Variants in BRSK1 observed in about 807,000 individuals in gnomAD.
BRSK1 encodes the protein serine/threonine-protein kinase BRSK1.
Under a neutral mutation model 86.2 loss-of-function variants are expected in BRSK1, and 17 were observed. The ratio of observed to expected loss-of-function variants is 0.20; its 90% CI spans 0.14 to 0.30. BRSK1 has a LOEUF of 0.30. Ranked by LOEUF, BRSK1 falls within the 10% of genes least tolerant of loss-of-function variation. BRSK1 has a pLI of 1.00. For missense variants in BRSK1, 719 were observed against 1,071.9 expected, an observed-to-expected ratio of 0.67 and a Z score of 4.60; for synonymous variants, 464 against 440.1, an observed-to-expected ratio of 1.05 and a Z score of -0.68.
rs1033384826 is a variant in BRSK1 at position 55,301,980 on chromosome 19, C to T, written c.826-157C>T. 8.5e-6 allele frequency: 8 copies of T among 942,356 alleles called. No homozygotes were observed. In the African/African-American group the frequency reaches 1.3e-4, roughly 15 times the overall value. 58.4% of individuals were successfully genotyped at this position (942,356 alleles called of 1,614,324 possible). A position where few individuals can be genotyped will look rare whatever the true frequency, so the allele number is the denominator to read the frequency against. ...CCGCGCGTGCGCGGGGCGATGCACT[C>T]AGTCGCCACTAGAGGGCGATGTAAT... On this transcript the variant is annotated intron_variant, in intron 8 of 18. Transcript: ENST00000309383.
chr19:55,305,396 G>A (rs558302516), intron 15 of BRSK1, 27 bp downstream of exon 15: 5 of 1,614,044 alleles, frequency 3.1e-6, no homozygotes, highest in Non-Finnish European at 4.2e-6. Flanking sequence ...AGGAAAGAGT[G>A]GGGATGCAGG....
chr19:55,302,527 T>C lies in BRSK1; in HGVS notation c.858-170T>C. 9.5e-6 allele frequency: 8 copies of C among 839,354 alleles called. No individual in the cohort carries two copies. Among genetic ancestry groups the C allele is most frequent in the Non-Finnish European group, 1.5e-5 (8 of 541,798 alleles). 52.0% of individuals were successfully genotyped at this position (839,354 alleles called of 1,614,324 possible). On this transcript the variant is annotated intron_variant, in intron 9 of 18. Transcript: ENST00000309383. This position sits in a 1 kb window ranked among gnomAD's most constrained non-coding sequence, Gnocchi z 6.3. ...GGGAAAAGGGGCTGGAGGTCTGGAC[T>C]CCTGGGTCTGAGATGGGGGGCGAGG...
At chr19:55,285,348 C>A (rs1304833006) in intron 1 of BRSK1, among the ~76,000 whole-genome samples, 2 of 152,062 alleles carry the variant, frequency 1.3e-5, no homozygotes, top group Non-Finnish European at 2.9e-5. Flanking sequence ...GCTCCAGTCC[C>A]CATAGGGGCA....
In BRSK1 at chr19:55,284,281, G is replaced by A. The variant is rs939044945; in HGVS notation, c.-162G>A. 7.0e-6 allele frequency: 4 copies of A among 572,222 alleles called. No homozygotes were observed. Among genetic ancestry groups the A allele is most frequent in the African/African-American group, 3.9e-5 (2 of 51,294 alleles). 35.4% of individuals were successfully genotyped at this position (572,222 alleles called of 1,614,324 possible). A position where few individuals can be genotyped will look rare whatever the true frequency, so the allele number is the denominator to read the frequency against. On this transcript the variant is annotated 5_prime_UTR_variant, in exon 1 of 19. Transcript: ENST00000309383. ...CCCCCCTCCCCCAGCTCCGCGGCCC[G>A]CCGACTGGGGGGGGCCAGCCCAGCC...
rs1425202784 is a variant in BRSK1, at chr19:55,303,021, C to T, written c.1028+154C>T. 4.1e-6 allele frequency: 4 copies of T among 985,240 alleles called. No homozygotes were observed. The highest frequency in any genetic ancestry group is 2.9e-5 in the Admixed American group (1 of 34,636). 61.0% of individuals were successfully genotyped at this position (985,240 alleles called of 1,614,324 possible). A position where few individuals can be genotyped will look rare whatever the true frequency, so the allele number is the denominator to read the frequency against. On this transcript the variant is annotated intron_variant, in intron 10 of 18. Coordinates refer to ENST00000309383, the MANE Select transcript of BRSK1 (RefSeq NM_032430.2). This position sits in a 1 kb window ranked among gnomAD's most constrained non-coding sequence, Gnocchi z 5.1. Reference sequence around the variant, plus strand: ...GGAGTGATGGAACCAGCGGAGAAAACGGCCCAGAAACACGCTGAGAAAGTA... The same window carrying T: ...GGAGTGATGGAACCAGCGGAGAAAATGGCCCAGAAACACGCTGAGAAAGTA...
chr19:55,312,016 G>T lies in BRSK1; in HGVS notation c.2285G>T (p.Gly762Val). 6.6e-7 allele frequency: 1 copy of T among 1,515,418 alleles called. No individual in the cohort carries two copies. The highest frequency in any genetic ancestry group is 8.8e-7 in the Non-Finnish European group (1 of 1,130,650). 93.9% of individuals were successfully genotyped at this position (1,515,418 alleles called of 1,614,324 possible). A position where few individuals can be genotyped will look rare whatever the true frequency, so the allele number is the denominator to read the frequency against. ...GAGCTGAGCAGCTCTCCCCGCCGAG[G>T]CCCCCCCAAGGACAAGAAGCTCCTG... is the stretch of plus-strand genomic sequence containing the variant. ...DPELSSSPRRGPPKDKKLLAT... is the reference protein window; with the variant it reads ...DPELSSSPRRVPPKDKKLLAT... Residue 762 changes from glycine to valine, a missense_variant, in exon 19 of 19, where the codon GGC becomes GTC. Physicochemically the swap from Gly to Val is moderately radical, Grantham distance 109. Transcript: ENST00000309383.
rs572234052 is a variant in BRSK1, at chr19:55,302,290, G to C, written c.857+122G>C. On this transcript the variant is annotated intron_variant, in intron 9 of 18. Transcript: ENST00000309383. The surrounding 1 kb of genome is among the most constrained non-coding windows in gnomAD (Gnocchi z 6.3). ...CTGAGAGGCAACGGGCTAGGGACTCGGACTTATGGGTCCTGGGGGAAGAGG... is the reference window on the plus strand; with the variant it reads ...CTGAGAGGCAACGGGCTAGGGACTCCGACTTATGGGTCCTGGGGGAAGAGG... The C allele has an allele frequency of 9.1e-6, 10 of 1,102,072 alleles. 1 individual carries two copies. In the South Asian group the frequency reaches 1.2e-4, roughly 14 times the overall value. The allele number at this position is 1,102,072 out of a possible 1,614,324, so 68.3% of individuals were successfully genotyped here. A position where few individuals can be genotyped will look rare whatever the true frequency, so the allele number is the denominator to read the frequency against.
At chr19:55,285,984 G>T (rs1024972769) in intron 1 of BRSK1, among the ~76,000 whole-genome samples, 14 of 145,858 alleles carry the variant, frequency 9.6e-5, no homozygotes, top group Admixed American at 6.1e-4. Flanking sequence ...TGGAGTGCTG[G>T]GTCTGAGGGA....
chr19:55,298,209 C>CTTTTTTTTTTTTT (rs71181751), intron 7 of BRSK1, among the ~76,000 whole-genome samples: 1 of 69,622 alleles, frequency 1.4e-5, no homozygotes, highest in Non-Finnish European at 2.6e-5. Context: ...TTTGTTTCTT[C>CTTTTTTTTTTTTT]TTTTTTTTTT....
At chr19:55,295,203 GTC>G (rs1236456432) in intron 7 of BRSK1, among the ~76,000 whole-genome samples, 10 of 152,076 alleles carry the variant, frequency 6.6e-5, no homozygotes, top group Non-Finnish European at 1.3e-4. Context: ...GCTCACTGCA[GTC>G]TCAATCTCCC....
intron 7 of BRSK1, among the ~76,000 whole-genome samples, chr19:55,299,211 G>A (rs1165568545): frequency 6.6e-6 from 1 of 152,160 alleles, no homozygotes; most frequent in Non-Finnish European, 1.5e-5. Flanking sequence ...TGTAATGACT[G>A]GTTGACAAAA....
intron 7 of BRSK1, among the ~76,000 whole-genome samples, chr19:55,298,234 T>G (rs1027985980): frequency 8.6e-6 from 1 of 115,956 alleles, no homozygotes; most frequent in African/African-American, 3.3e-5. Context: ...TTTTTTTTTT[T>G]TGAGATGAAG....
chr19:55,304,996 C>T lies in BRSK1; in HGVS notation c.1717+76C>T. On this transcript the variant is annotated intron_variant, in intron 14 of 18. Transcript: ENST00000309383. The surrounding 1 kb of genome is among the most constrained non-coding windows in gnomAD (Gnocchi z 5.2). ...AAAATCTGGTTCCAGGGATGTCCGTCTGGCGTGTCTAGAGAGGAAGGGACT... is the reference window on the plus strand; with the variant it reads ...AAAATCTGGTTCCAGGGATGTCCGTTTGGCGTGTCTAGAGAGGAAGGGACT... The T allele has an allele frequency of 7.6e-6, 12 of 1,571,728 alleles. No homozygotes were observed. Among genetic ancestry groups the T allele is most frequent in the Non-Finnish European group, 1.0e-5 (12 of 1,166,218 alleles).
chr19:55,298,802 G>GTGCC (rs1042951627), intron 7 of BRSK1, among the ~76,000 whole-genome samples: 45 of 152,310 alleles, frequency 3.0e-4, no homozygotes, highest in African/African-American at 1.0e-3. Flanking sequence ...TGCTTCTGAA[G>GTGCC]TGCCGTCTGG....
At chr19:55,293,519 A>G (rs2088439741) in intron 4 of BRSK1, among the ~76,000 whole-genome samples, 1 of 150,188 alleles carries the variant, frequency 6.7e-6, no homozygotes, top group Non-Finnish European at 1.5e-5. Context: ...AAATAAATAA[A>G]TAAATAAATA....
At chr19:55,298,628 G>A (rs1290328088) in intron 7 of BRSK1, among the ~76,000 whole-genome samples, 2 of 152,190 alleles carry the variant, frequency 1.3e-5, no homozygotes, top group African/African-American at 4.8e-5. Context: ...AACCTGAGCC[G>A]CCCACCCAAG....
rs2088578633 is a variant in BRSK1, at chr19:55,302,031, G to A, written c.826-106G>A. On this transcript the variant is annotated intron_variant, in intron 8 of 18. Transcript: ENST00000309383. This position sits in a 1 kb window ranked among gnomAD's most constrained non-coding sequence, Gnocchi z 6.3. ...ATGTCATCCTGCCCCCGGTGGGGTG[G>A]GCGGGGAGATGATCAGGGACCCCAA... 7.1e-6 allele frequency: 9 copies of A among 1,272,332 alleles called. No homozygotes were observed. The highest frequency in any genetic ancestry group is 9.2e-6 in the Non-Finnish European group (8 of 870,074). 78.8% of individuals were successfully genotyped at this position (1,272,332 alleles called of 1,614,324 possible).
intron 17 of BRSK1, among the ~76,000 whole-genome samples, chr19:55,307,742 AT>A (rs1185124504): frequency 2.2e-5 from 2 of 89,302 alleles, no homozygotes; most frequent in Admixed American, 2.5e-4. Flanking sequence ...AAACAAAAAA[AT>A]TTATACACAC....
At position 55,304,994 on chromosome 19, in the gene BRSK1, G is replaced by T; in HGVS notation, c.1717+74G>T. 1 of 1,569,976 alleles carries T rather than the reference G, an allele frequency of 6.4e-7. No individual in the cohort carries two copies. The highest frequency in any genetic ancestry group is 1.3e-5 in the African/African-American group (1 of 74,112). ...TAAAAATCTGGTTCCAGGGATGTCC[G>T]TCTGGCGTGTCTAGAGAGGAAGGGA... is the stretch of plus-strand genomic sequence containing the variant. On this transcript the variant is annotated intron_variant, in intron 14 of 18. Transcript: ENST00000309383. The surrounding 1 kb of genome is among the most constrained non-coding windows in gnomAD (Gnocchi z 5.2).
Sources: allele counts gnomAD v4.1 joint callset (sites outside exome capture counted in the v4.1 genomes callset), GRCh38; gene constraint gnomAD v4.1.1; non-coding constraint Gnocchi (gnomAD v3.1); transcripts MANE v1.5; gene names NCBI Gene and HGNC (gene_info 2026-07-23, HGNC 2026-07-21).